The following SEH1L variants were observed in gnomAD, a reference collection of about 807,000 sequenced individuals.
SEH1L encodes the protein SEH1 like nucleoporin, also known as nucleoporin SEH1.
Under a neutral mutation model 49.5 loss-of-function variants are expected in SEH1L, and 18 were observed. The observed-to-expected ratio is 0.36, with a 90% confidence interval of 0.25 to 0.54. The LOEUF (loss-of-function observed/expected upper bound fraction) is 0.54. SEH1L is among the 20% of genes least tolerant of loss of function. SEH1L has a pLI of 0.87. For synonymous variants in SEH1L, 169 were observed against 178.1 expected (o/e 0.95, Z 0.41); for missense variants, 404 against 528.8 (o/e 0.76, Z 2.31).
At position 12,972,131 on chromosome 18, in the gene SEH1L, C is replaced by T. The variant is rs117621211; in HGVS notation, c.620+880C>T. 482 of 152,212 alleles carry T rather than the reference C, an allele frequency of 3.2e-3. 6 individuals carry two copies. The highest frequency in any genetic ancestry group is 0.022 in the Admixed American group (339 of 15,286). 9.4% of individuals were successfully genotyped at this position (152,212 alleles called of 1,614,324 possible). A position where few individuals can be genotyped will look rare whatever the true frequency, so the allele number is the denominator to read the frequency against. ...ACGGCTAGGATGCTATGAAGACAGT[C>T]CAGGTGGGAGAGTACGTGGCTTTGG... On this transcript the variant is annotated intron_variant, in intron 5 of 8. Coordinates refer to ENST00000399892, the MANE Select transcript of SEH1L (RefSeq NM_001013437.2).
At chr18:12,952,323 G>A (rs947497288) in intron 2 of SEH1L, among the ~76,000 whole-genome samples, 1 of 150,272 alleles carries the variant, frequency 6.7e-6, no homozygotes, top group Non-Finnish European at 1.5e-5. Context: ...ACCTCCGCCT[G>A]TTGGGTTCAA....
rs1013378086 is a variant in SEH1L, at chr18:12,975,846, G to A, written c.621-2906G>A. The A allele has an allele frequency of 1.0e-5, 10 of 985,602 alleles. No individual in the cohort carries two copies. In the South Asian group the frequency reaches 1.4e-4, roughly 14 times the overall value. 61.1% of individuals were successfully genotyped at this position (985,602 alleles called of 1,614,324 possible). A position where few individuals can be genotyped will look rare whatever the true frequency, so the allele number is the denominator to read the frequency against. On this transcript the variant is annotated intron_variant, in intron 5 of 8. Transcript: ENST00000399892. ...CTGTGGCGTGGGATGAAGAGGGACC[G>A]GGGAGACTTGTCTAGGAGGCACCAG...
chr18:12,985,195 T>A, intron 8 of SEH1L: 1 of 1,585,990 alleles, frequency 6.3e-7, no homozygotes, highest in South Asian at 1.1e-5. Flanking sequence ...GTGTTAGATC[T>A]GTGATGCATT....
intron 3 of SEH1L, among the ~76,000 whole-genome samples, chr18:12,957,358 G>T (rs1191748641): frequency 1.3e-5 from 2 of 152,094 alleles, no homozygotes; most frequent in African/African-American, 4.8e-5. Flanking sequence ...AACCCGGGAG[G>T]CGGAGGTTGT....
chr18:12,982,762 A>T, intron 7 of SEH1L, 87 bp downstream of exon 7: 1 of 1,048,880 alleles, frequency 9.5e-7, no homozygotes, highest in Non-Finnish European at 1.4e-6. Flanking sequence ...ATATTTTTTG[A>T]AAATGGTCTT....
intron 1 of SEH1L, 120 bp from the exon 2 acceptor site, chr18:12,951,735 T>G: frequency 3.1e-6 from 2 of 645,664 alleles, no homozygotes; most frequent in Non-Finnish European, 5.5e-6. Context: ...TACTTGCTGA[T>G]TGTGTTCTTT....
chr18:12,982,221 T>C (rs1344468419), intron 6 of SEH1L, among the ~76,000 whole-genome samples: 4 of 152,172 alleles, frequency 2.6e-5, no homozygotes, highest in Non-Finnish European at 5.9e-5. Context: ...CTGCCTTGTG[T>C]GGGAGAATAA....
intron 4 of SEH1L, among the ~76,000 whole-genome samples, chr18:12,964,702 C>T (rs1371011922): frequency 7.7e-6 from 1 of 129,482 alleles, no homozygotes; most frequent in Non-Finnish European, 1.5e-5. Context: ...GTGGCATGAT[C>T]TCGGCTCACT....
At chr18:12,986,538 T>C (rs1194090807) in intron 8 of SEH1L, 1 of 966,172 alleles carries the variant, frequency 1.0e-6, no homozygotes, top group Non-Finnish European at 1.2e-6. Flanking sequence ...TTCTGAGAGA[T>C]TAGAAAATGT....
intron 6 of SEH1L, among the ~76,000 whole-genome samples, chr18:12,982,230 A>G (rs188030514): frequency 2.6e-5 from 4 of 152,272 alleles, no homozygotes; most frequent in Admixed American, 2.6e-4. Flanking sequence ...GTGGGAGAAT[A>G]AAATCATCCT....
At chr18:12,966,144 G>C (rs538405670) in intron 4 of SEH1L, among the ~76,000 whole-genome samples, 39 of 149,578 alleles carry the variant, frequency 2.6e-4, no homozygotes, top group Admixed American at 2.4e-3. Context: ...CCAGGCTGGA[G>C]TGCAGTGGTG....
chr18:12,948,257 GC>G (rs1568204840), intron 1 of SEH1L, 25 bp downstream of exon 1: 1 of 1,573,628 alleles, frequency 6.4e-7, no homozygotes, highest in Non-Finnish European at 8.7e-7. Context: ...TGCGGGCGGG[GC>G]CGACCCCGGA....
intron 4 of SEH1L, among the ~76,000 whole-genome samples, chr18:12,965,534 A>T (rs532723112): frequency 6.6e-6 from 1 of 152,196 alleles, no homozygotes; most frequent in East Asian, 1.9e-4. Flanking sequence ...AAAATGTCTT[A>T]ATTTGACTCC....
At chr18:12,980,588 C>T (rs1413966769) in intron 6 of SEH1L, among the ~76,000 whole-genome samples, 1 of 122,224 alleles carries the variant, frequency 8.2e-6, no homozygotes, top group African/African-American at 3.2e-5. Flanking sequence ...ACCTCCCTCC[C>T]GGACGGGGCA....
chr18:12,971,106 T>G (rs1222056626), intron 4 of SEH1L, 47 bp from the exon 5 acceptor site: 2 of 1,308,204 alleles, frequency 1.5e-6, no homozygotes, highest in Non-Finnish European at 2.2e-6. Context: ...GTGAATGAAA[T>G]GTGTATTTCT....
At position 12,982,392 on chromosome 18, in the gene SEH1L, G is replaced by A. The variant is rs2032304574; in HGVS notation, c.762-126G>A. ...GGGCAGATGTGCACATTATTATAAA[G>A]TGATGTGGTGGCGAGACCACTTGTA... On this transcript the variant is annotated intron_variant, in intron 6 of 8. Coordinates refer to ENST00000399892, the MANE Select transcript of SEH1L (RefSeq NM_001013437.2). The A allele has an allele frequency of 1.7e-5, 11 of 629,826 alleles. No homozygotes were observed. The South Asian group carries it at 2.6e-4, about 15-fold the overall frequency. The allele number at this position is 629,826 out of a possible 1,614,324, so 39.0% of individuals were successfully genotyped here.
At chr18:12,958,544 CT>C (rs1335518418) in intron 3 of SEH1L, among the ~76,000 whole-genome samples, 1 of 152,184 alleles carries the variant, frequency 6.6e-6, no homozygotes, top group Non-Finnish European at 1.5e-5. Flanking sequence ...CCTCTACCCC[CT>C]ATTCAACTGT....
At chr18:12,986,145 A>G (rs2032449137) in intron 8 of SEH1L, 1 of 984,384 alleles carries the variant, frequency 1.0e-6, no homozygotes, top group African/African-American at 1.7e-5. Context: ...AGATTTTCTT[A>G]ATTTAGTTCG....
intron 4 of SEH1L, among the ~76,000 whole-genome samples, chr18:12,965,383 C>A (rs1475964579): frequency 1.3e-4 from 20 of 152,112 alleles, no homozygotes; most frequent in Admixed American, 1.3e-3. Context: ...ACATTTAACA[C>A]ATGTGTAAGT....
Sources: allele counts gnomAD v4.1 joint callset (sites outside exome capture counted in the v4.1 genomes callset), GRCh38; gene constraint gnomAD v4.1.1; transcripts MANE v1.5; gene names NCBI Gene and HGNC (gene_info 2026-07-23, HGNC 2026-07-21).